Variants in XPO1 observed in about 807,000 individuals in gnomAD.
XPO1 encodes exportin 1.
In XPO1, 5 loss-of-function variants were observed where a neutral mutation model predicts 133.3. The observed-to-expected ratio is 0.04, with a 90% CI of 0.02 to 0.08. The LOEUF (loss-of-function observed/expected upper bound fraction) is 0.08, where lower values mean the gene tolerates loss of function less well. Among genes scored for constraint, XPO1 ranks in the 10% least tolerant of loss-of-function variants. The pLI is 1.00. For synonymous variants in XPO1, 419 were observed against 408.2 expected, an observed-to-expected ratio of 1.03 and a Z score of -0.32; for missense variants, 506 against 1,267.5, an observed-to-expected ratio of 0.40 and a Z score of 9.12.
At chr2:61,534,324 G>C (rs1243295942) in intron 1 of XPO1, 1 of 152,862 alleles carries the variant, frequency 6.5e-6, no homozygotes, top group Non-Finnish European at 1.5e-5. Flanking sequence ...TCCCAAGTAG[G>C]GTCTTCTGAA....
chr2:61,499,230 G>A (rs1438973925), intron 7 of XPO1, among the ~76,000 whole-genome samples: 1 of 152,100 alleles, frequency 6.6e-6, no homozygotes, highest in Non-Finnish European at 1.5e-5. Context: ...TAACAATTGG[G>A]GAACTGAAAA....
rs955004611 is a variant in XPO1 at position 61,534,867 on chromosome 2, A to G, written c.-6-964T>C. ...ACCATTCAAATTGTTTCAACCCTCAATGAATTGGGGGATTGAAATAAAGCT... is the reference window on the plus strand; with the variant it reads ...ACCATTCAAATTGTTTCAACCCTCAGTGAATTGGGGGATTGAAATAAAGCT... On this transcript the variant is annotated intron_variant, in intron 1 of 24. Transcript: ENST00000401558. Among the ~76,000 whole-genome samples, 3 of 112,130 alleles carry G rather than the reference A, an allele frequency of 2.7e-5. No individual in the cohort carries two copies. In the East Asian group the frequency reaches 7.7e-4, roughly 29 times the overall value. 73.6% of individuals were successfully genotyped at this position (112,130 alleles called of 152,430 possible).
chr2:61,481,096 GACA>G, intron 24 of XPO1, 86 bp downstream of exon 24: 1 of 774,956 alleles, frequency 1.3e-6, no homozygotes, highest in Non-Finnish European at 2.0e-6. Context: ...TATTTGGCAT[GACA>G]AATCAAGTGA....
chr2:61,519,111 C>T (rs1296221650), intron 4 of XPO1, among the ~76,000 whole-genome samples: 4 of 151,944 alleles, frequency 2.6e-5, no homozygotes, highest in East Asian at 1.9e-4. Context: ...CCACCACGCC[C>T]GGCTAATTTT....
chr2:61,488,550 G>T, intron 18 of XPO1, 38 bp downstream of exon 18: 1 of 1,583,700 alleles, frequency 6.3e-7, no homozygotes, highest in African/African-American at 1.4e-5. Context: ...GAAGTGGTTT[G>T]TTTATACTGC....
intron 2 of XPO1, among the ~76,000 whole-genome samples, chr2:61,530,580 A>G (rs1011491282): frequency 2.0e-5 from 3 of 152,128 alleles, no homozygotes; most frequent in African/African-American, 7.2e-5. Context: ...AAAATAGAAA[A>G]ATGCTGATAA....
intron 16 of XPO1, among the ~76,000 whole-genome samples, 184 bp from the exon 17 acceptor site, chr2:61,490,960 G>A (rs1032606664): frequency 6.6e-5 from 10 of 152,166 alleles, no homozygotes; most frequent in Non-Finnish European, 8.8e-5. Flanking sequence ...TTGCAGACCA[G>A]CCTGACCAAC....
intron 4 of XPO1, 36 bp from the exon 5 acceptor site, chr2:61,502,346 G>A (rs2104532283): frequency 1.3e-6 from 2 of 1,583,220 alleles, no homozygotes; most frequent in Non-Finnish European, 1.7e-6. Flanking sequence ...AAAAATTGTT[G>A]AGCTCTTTTG....
intron 4 of XPO1, among the ~76,000 whole-genome samples, chr2:61,510,745 T>C (rs1331470281): frequency 1.3e-5 from 2 of 152,036 alleles, no homozygotes; most frequent in Non-Finnish European, 2.9e-5. Context: ...AGGACCAGCC[T>C]AGGCAACATA....
intron 10 of XPO1, among the ~76,000 whole-genome samples, chr2:61,496,377 A>AT (rs1384913937): frequency 6.6e-6 from 1 of 151,974 alleles, no homozygotes; most frequent in Non-Finnish European, 1.5e-5. Flanking sequence ...ACAGCTAGCT[A>AT]TTTTTTAAAT....
chr2:61,512,395 GAA>G (rs936238948), intron 4 of XPO1, among the ~76,000 whole-genome samples: 1 of 152,172 alleles, frequency 6.6e-6, no homozygotes, highest in Admixed American at 6.6e-5. Flanking sequence ...AACGAACTAT[GAA>G]AAGACTAAAC....
chr2:61,509,168 AT>A (rs938167243), intron 4 of XPO1, among the ~76,000 whole-genome samples: 2,324 of 140,106 alleles, frequency 0.017, 33 homozygotes, highest in African/African-American at 0.044. Context: ...CGCCCAGCTG[AT>A]TTTTTTTTTT....
chr2:61,512,157 G>A (rs1239467094), intron 4 of XPO1, among the ~76,000 whole-genome samples: 1 of 152,190 alleles, frequency 6.6e-6, no homozygotes, highest in Non-Finnish European at 1.5e-5. Context: ...AGATTAGACT[G>A]ATAATTTTTG....
At chr2:61,517,355 T>A (rs1208952082) in intron 4 of XPO1, among the ~76,000 whole-genome samples, 3 of 152,142 alleles carry the variant, frequency 2.0e-5, no homozygotes, top group African/African-American at 7.2e-5. Flanking sequence ...ATGCTGAGGT[T>A]GGAGCATCAC....
Position 61,530,378 on chromosome 2 carries a change from G to A in XPO1, c.126+3394C>T, listed in dbSNP as rs570439168. 5.9e-5 allele frequency among the ~76,000 whole-genome samples: 9 copies of A among 151,896 alleles called. No individual in the cohort carries two copies. In the South Asian group the frequency reaches 1.0e-3, roughly 18 times the overall value. ...TGTTCTTTATAAACTTAAAACCCCAGCAGGGGTTTAAAAAAAAAAGACACA... is the reference window on the plus strand; with the variant it reads ...TGTTCTTTATAAACTTAAAACCCCAACAGGGGTTTAAAAAAAAAAGACACA... On this transcript the variant is annotated intron_variant, in intron 2 of 24. Transcript: ENST00000401558.
At position 61,498,926 on chromosome 2, in the gene XPO1, A is replaced by AC; in HGVS notation, c.591-14dup. The AC allele has an allele frequency of 1.3e-6, 2 of 1,567,520 alleles. No individual in the cohort carries two copies. The highest frequency in any genetic ancestry group is 2.4e-5 in the South Asian group (2 of 83,908). On this transcript the variant is annotated splice_polypyrimidine_tract_variant and intron_variant, in intron 7 of 24. Coordinates refer to ENST00000401558, the MANE Select transcript of XPO1 (RefSeq NM_003400.4). ...TTCATTGCACATGCTAAAAAAAAAA[A>AC]CACACAAAAATATCAGATTTAGAAG... is the stretch of plus-strand genomic sequence containing the variant.
intron 16 of XPO1, 139 bp downstream of exon 16, chr2:61,491,896 T>A: frequency 9.2e-7 from 1 of 1,090,084 alleles, no homozygotes; most frequent in Non-Finnish European, 1.3e-6. Context: ...TAAGACCCTG[T>A]CTCAAGGAAA....
chr2:61,500,026 A>G (rs113461710), intron 6 of XPO1, 132 bp from the exon 7 acceptor site: 1 of 931,892 alleles, frequency 1.1e-6, no homozygotes, highest in Non-Finnish European at 1.6e-6. Flanking sequence ...TCCTTTATTA[A>G]AGGAAGAAAT....
chr2:61,509,866 C>T (rs916094704), intron 4 of XPO1, among the ~76,000 whole-genome samples: 1 of 152,004 alleles, frequency 6.6e-6, no homozygotes, highest in South Asian at 2.1e-4. Flanking sequence ...AATCTAGTTT[C>T]GAATCAATTT....
Sources: allele counts gnomAD v4.1 joint callset (sites outside exome capture counted in the v4.1 genomes callset), GRCh38; gene constraint gnomAD v4.1.1; transcripts MANE v1.5; gene names NCBI Gene and HGNC (gene_info 2026-07-23, HGNC 2026-07-21).